The following TUSC3 variants were observed in gnomAD, a reference collection of about 807,000 sequenced individuals.
TUSC3 encodes the protein tumor suppressor candidate 3.
Under a neutral mutation model 44.8 loss-of-function variants are expected in TUSC3, and 45 were observed. The ratio of observed to expected loss-of-function variants is 1.00; its 90% CI spans 0.79 to 1.29. The LOEUF is 1.29. Ranked by LOEUF, TUSC3 falls within the 50% of genes most tolerant of loss-of-function variation. The probability of loss-of-function intolerance (pLI) is 0.00; values close to 1 mark genes in which losing one functional copy is unlikely to be tolerated. For missense variants in TUSC3, 519 were observed against 437.9 expected (o/e 1.19, Z -1.65); for synonymous variants, 212 against 152.9 (o/e 1.39, Z -2.85).
chr8:15,670,912 A>G lies in TUSC3; in HGVS notation c.709-2835A>G, dbSNP rs749131944. On this transcript the variant is annotated intron_variant, in intron 5 of 10. Coordinates refer to ENST00000503731, the MANE Select transcript of TUSC3 (RefSeq NM_006765.4). Reference sequence around the variant, plus strand: ...ACTTCACAAAAATGTCCAAATTTCAATTAATATATGAAAAGGTATTCAACC... The same window carrying G: ...ACTTCACAAAAATGTCCAAATTTCAGTTAATATATGAAAAGGTATTCAACC... Among the ~76,000 whole-genome samples, 13 of 152,048 alleles carry G rather than the reference A, an allele frequency of 8.5e-5. No individual in the cohort carries two copies. In the South Asian group the frequency reaches 1.0e-3, roughly 12 times the overall value.
In TUSC3 at chr8:15,662,177, A is replaced by T; in HGVS notation, c.589A>T (p.Asn197Tyr). 1 of 1,612,974 alleles carries T rather than the reference A, an allele frequency of 6.2e-7. No homozygotes were observed. Among genetic ancestry groups the T allele is most frequent in the East Asian group, 2.2e-5 (1 of 44,836 alleles). Residue 197 changes from asparagine (N) to tyrosine (Y), a missense_variant, in exon 5 of 11, where the codon AAC (asparagine) becomes TAC (tyrosine). Physicochemically the swap from Asn to Tyr is moderately radical, Grantham distance 143 (BLOSUM62 -2). Transcript: ENST00000503731. ...GCAGATTCGGGTTTTCAGACCACCC[A>T]ACTACTCTGGTACCATTGCTTTGGC... ...DVHIRVFRPPNYSGTIALALL... is the reference protein window; with the variant it reads ...DVHIRVFRPPYYSGTIALALL...
chr8:15,563,979 G>A (rs1490492999), intron 1 of TUSC3, among the ~76,000 whole-genome samples: 1 of 152,024 alleles, frequency 6.6e-6, no homozygotes, highest in East Asian at 1.9e-4. Context: ...TGAAACAATT[G>A]TTTGGTGGGA....
At chr8:15,814,788 C>A in the TUSC3 span, among the ~76,000 whole-genome samples, 2 of 152,090 alleles carry the variant, frequency 1.3e-5, no homozygotes, top group Admixed American at 6.6e-5. Context: ...TGTGAAATAA[C>A]CTACTGCACA....
rs1472149563 is a variant in TUSC3, at chr8:15,659,692, T to C, written c.567+45T>C. On this transcript the variant is annotated intron_variant, in intron 4 of 10. Coordinates refer to ENST00000503731, the MANE Select transcript of TUSC3 (RefSeq NM_006765.4). ...AGTTTTAATAATAGGCTGGTTAGTT[T>C]GTTTTTATGGAGCATTTTAATAAGG... 5 of 1,606,202 alleles carry C rather than the reference T, an allele frequency of 3.1e-6. No individual in the cohort carries two copies. The South Asian group carries it at 5.5e-5, about 18-fold the overall frequency.
chr8:15,418,264 C>G (rs184889399), intron 1 of TUSC3, among the ~76,000 whole-genome samples: 171 of 152,202 alleles, frequency 1.1e-3, no homozygotes, highest in African/African-American at 3.8e-3. Flanking sequence ...CCTGTTATAA[C>G]AATAGGTGGT....
intron 1 of TUSC3, among the ~76,000 whole-genome samples, chr8:15,591,531 A>G (rs2129150507): frequency 6.6e-6 from 1 of 152,358 alleles, no homozygotes; most frequent in Admixed American, 6.5e-5. Flanking sequence ...CTAGTAGAAG[A>G]CAGAAGTATC....
At chr8:15,600,787 T>A (rs750175971) in intron 1 of TUSC3, among the ~76,000 whole-genome samples, 1 of 151,726 alleles carries the variant, frequency 6.6e-6, no homozygotes, top group Non-Finnish European at 1.5e-5. Context: ...TTAATGTTTA[T>A]TTTGTTAGCA....
At chr8:15,627,633 G>T (rs1279148348) in intron 2 of TUSC3, among the ~76,000 whole-genome samples, 2 of 152,258 alleles carry the variant, frequency 1.3e-5, no homozygotes, top group Non-Finnish European at 2.9e-5. Context: ...TTGGGGCCCT[G>T]TGGTTTCTGG....
intron 1 of TUSC3, among the ~76,000 whole-genome samples, chr8:15,457,839 GATTA>G (rs1014846726): frequency 6.5e-5 from 9 of 138,018 alleles, no homozygotes; most frequent in Non-Finnish European, 1.1e-4. Context: ...TAATAAATTA[GATTA>G]ATTATCTAAT....
At chr8:15,822,774 C>G in the TUSC3 span, among the ~76,000 whole-genome samples, 7 of 152,106 alleles carry the variant, frequency 4.6e-5, no homozygotes, top group African/African-American at 1.4e-4. Context: ...CAGCTCTCAT[C>G]TGCTGCTGAT....
chr8:15,694,935 C>T (rs1809094693), intron 6 of TUSC3, among the ~76,000 whole-genome samples: 1 of 152,202 alleles, frequency 6.6e-6, no homozygotes, highest in Non-Finnish European at 1.5e-5. Context: ...AGGGTGCATG[C>T]TCGTTGCCCA....
chr8:15,478,165 C>T (rs1800607588), intron 1 of TUSC3, among the ~76,000 whole-genome samples: 2 of 151,988 alleles, frequency 1.3e-5, no homozygotes. Context: ...ACTAAAAGAC[C>T]ATGTGGGCCA....
the TUSC3 span, among the ~76,000 whole-genome samples, chr8:15,792,030 G>A: frequency 6.6e-6 from 1 of 152,036 alleles, no homozygotes; most frequent in African/African-American, 2.4e-5. Context: ...AGACATGTAG[G>A]AGAGTGTTGT....
At chr8:15,620,071 A>G (rs1287430967) in intron 1 of TUSC3, among the ~76,000 whole-genome samples, 1 of 152,192 alleles carries the variant, frequency 6.6e-6, no homozygotes, top group Non-Finnish European at 1.5e-5. Flanking sequence ...GAAACAAACA[A>G]ACAAACTGCA....
chr8:15,747,071 A>G (rs1811448189), intron 8 of TUSC3, among the ~76,000 whole-genome samples: 1 of 152,076 alleles, frequency 6.6e-6, no homozygotes, highest in Non-Finnish European at 1.5e-5. Context: ...TTCACAATTC[A>G]TATTCAAAAC....
chr8:15,604,552 C>T (rs1319894160), intron 1 of TUSC3, among the ~76,000 whole-genome samples: 2 of 151,634 alleles, frequency 1.3e-5, no homozygotes, highest in South Asian at 2.1e-4. Flanking sequence ...ATACAAGTGG[C>T]ACCAAGATAG....
chr8:15,635,877 C>G (rs1806049188), intron 2 of TUSC3, among the ~76,000 whole-genome samples: 1 of 152,066 alleles, frequency 6.6e-6, no homozygotes, highest in South Asian at 2.1e-4. Context: ...GATGGTTTGT[C>G]AGATTATGGG....
At chr8:15,626,867 GC>G (rs1207820898) in intron 2 of TUSC3, among the ~76,000 whole-genome samples, 1 of 152,174 alleles carries the variant, frequency 6.6e-6, no homozygotes, top group Non-Finnish European at 1.5e-5. Flanking sequence ...GCCTGCAGGT[GC>G]CCCTTGGCAA....
intron 6 of TUSC3, among the ~76,000 whole-genome samples, chr8:15,684,641 A>G (rs1808554278): frequency 6.6e-6 from 1 of 152,182 alleles, no homozygotes; most frequent in African/African-American, 2.4e-5. Context: ...AGGGATGCCC[A>G]GCTCTGATGT....
Sources: allele counts gnomAD v4.1 joint callset (sites outside exome capture counted in the v4.1 genomes callset), GRCh38; gene constraint gnomAD v4.1.1; transcripts MANE v1.5; gene names NCBI Gene and HGNC (gene_info 2026-07-23, HGNC 2026-07-21).